Variants in CDK14 observed in about 807,000 individuals in gnomAD.
CDK14 encodes the protein cyclin dependent kinase 14.
In CDK14, 34 loss-of-function variants were observed where a neutral mutation model predicts 60.7. That is an observed-to-expected ratio of 0.56 (90% confidence interval 0.43 to 0.75). CDK14 has a LOEUF of 0.75. Among genes scored for constraint, CDK14 ranks in the 30% least tolerant of loss-of-function variants. The probability of loss-of-function intolerance (pLI) is 0.00; values close to 1 mark genes in which losing one functional copy is unlikely to be tolerated. For missense variants in CDK14, 482 were observed against 564.1 expected (o/e 0.85, Z 1.47); for synonymous variants, 197 against 203.7 (o/e 0.97, Z 0.28).
chr7:91,191,190 T>G (rs879498056), intron 14 of CDK14, among the ~76,000 whole-genome samples: 4 of 152,120 alleles, frequency 2.6e-5, no homozygotes, highest in Non-Finnish European at 4.4e-5. Context: ...CTTTTGGACT[T>G]TCTACAGCTC....
intron 2 of CDK14, among the ~76,000 whole-genome samples, chr7:90,697,272 G>A (rs1285828845): frequency 6.6e-6 from 1 of 152,018 alleles, no homozygotes; most frequent in Non-Finnish European, 1.5e-5. Context: ...CTTACCTGAG[G>A]AAATTCTTAG....
intron 4 of CDK14, among the ~76,000 whole-genome samples, chr7:90,778,784 T>A (rs1247067116): frequency 6.6e-6 from 1 of 152,100 alleles, no homozygotes. Context: ...ATGTTCTTGG[T>A]TTATTCTTTT....
chr7:90,849,935 T>C (rs1259793539), intron 5 of CDK14, among the ~76,000 whole-genome samples: 1 of 152,046 alleles, frequency 6.6e-6, no homozygotes, highest in Non-Finnish European at 1.5e-5. Flanking sequence ...GACATGTGCT[T>C]TTAGAAATAA....
At chr7:90,811,657 A>G (rs1396382399) in intron 5 of CDK14, among the ~76,000 whole-genome samples, 14 of 151,854 alleles carry the variant, frequency 9.2e-5, no homozygotes, top group Non-Finnish European at 2.1e-4. Context: ...CAGCAAAAGA[A>G]ACTATCATCA....
chr7:90,608,733 G>A (rs781744373), intron 2 of CDK14, among the ~76,000 whole-genome samples: 2 of 152,120 alleles, frequency 1.3e-5, no homozygotes, highest in African/African-American at 4.8e-5. Flanking sequence ...GCTTTGGTGA[G>A]TTATTTTATG....
intron 14 of CDK14, among the ~76,000 whole-genome samples, chr7:91,183,923 G>A (rs770576078): frequency 3.9e-5 from 6 of 152,158 alleles, no homozygotes; most frequent in Non-Finnish European, 8.8e-5. Flanking sequence ...GGCCCAGTGT[G>A]TTGGCTCACA....
intron 9 of CDK14, among the ~76,000 whole-genome samples, chr7:90,963,283 A>G (rs1227249397): frequency 2.0e-5 from 3 of 152,048 alleles, no homozygotes; most frequent in Admixed American, 6.6e-5. Context: ...TTCAGTTACC[A>G]TGGTAGAGTG....
intron 14 of CDK14, among the ~76,000 whole-genome samples, chr7:91,202,763 A>G (rs971414079): frequency 1.1e-4 from 17 of 152,330 alleles, no homozygotes; most frequent in African/African-American, 4.1e-4. Flanking sequence ...CAGAGATGGG[A>G]AAGAGTCTGC....
intron 14 of CDK14, among the ~76,000 whole-genome samples, chr7:91,178,942 G>T (rs1385672882): frequency 6.6e-6 from 1 of 152,162 alleles, no homozygotes; most frequent in Admixed American, 6.5e-5. Flanking sequence ...ATTTGACCCA[G>T]CCATCCCATT....
chr7:91,079,642 T>C (rs1264257675), intron 12 of CDK14, among the ~76,000 whole-genome samples, 162 bp downstream of exon 12: 1 of 152,212 alleles, frequency 6.6e-6, no homozygotes, highest in Non-Finnish European at 1.5e-5. Context: ...TGCTAGCTAC[T>C]ATGTTCAGCC....
At chr7:90,684,089 C>T (rs187148509) in intron 2 of CDK14, among the ~76,000 whole-genome samples, 11 of 152,226 alleles carry the variant, frequency 7.2e-5, no homozygotes, top group African/African-American at 2.2e-4. Flanking sequence ...TAACTTGCAA[C>T]GACTTCAATA....
chr7:91,018,848 C>G (rs1429579527), intron 10 of CDK14, among the ~76,000 whole-genome samples: 1 of 152,162 alleles, frequency 6.6e-6, no homozygotes, highest in Non-Finnish European at 1.5e-5. Flanking sequence ...GAACAGTGAG[C>G]CAATTAAACC....
intron 5 of CDK14, among the ~76,000 whole-genome samples, chr7:90,843,979 T>C (rs1208273655): frequency 6.6e-6 from 1 of 152,146 alleles, no homozygotes; most frequent in African/African-American, 2.4e-5. Context: ...TTTCACCCTA[T>C]TTTCATAGAG....
At chr7:91,153,494 T>C (rs1263837223) in intron 14 of CDK14, among the ~76,000 whole-genome samples, 1 of 152,068 alleles carries the variant, frequency 6.6e-6, no homozygotes, top group Non-Finnish European at 1.5e-5. Context: ...TGCCCACCAA[T>C]GATAGACTAA....
intron 2 of CDK14, among the ~76,000 whole-genome samples, chr7:90,711,882 A>ACGTT (rs1408956904): frequency 7.2e-5 from 8 of 110,818 alleles, no homozygotes; most frequent in Non-Finnish European, 3.6e-5. Context: ...ATAGTCTACT[A>ACGTT]TGTTTTTTTT....
chr7:90,753,379 CA>C (rs1471224830), intron 4 of CDK14, among the ~76,000 whole-genome samples: 1 of 152,120 alleles, frequency 6.6e-6, no homozygotes, highest in Non-Finnish European at 1.5e-5. Context: ...GAATTAAGAA[CA>C]AAAACCATTT....
chr7:90,857,865 C>T (rs896222761), intron 5 of CDK14, among the ~76,000 whole-genome samples: 1 of 152,158 alleles, frequency 6.6e-6, no homozygotes, highest in African/African-American at 2.4e-5. Context: ...CAAAGTTAGT[C>T]ATGTCTGTCA....
At chr7:90,658,014 A>T (rs1455963231) in intron 2 of CDK14, among the ~76,000 whole-genome samples, 2 of 151,964 alleles carry the variant, frequency 1.3e-5, no homozygotes, top group Non-Finnish European at 2.9e-5. Flanking sequence ...CTCAATTTAG[A>T]TTTGTCTGAC....
intron 6 of CDK14, 56 bp from the exon 7 acceptor site, chr7:90,899,231 TATTG>T: frequency 7.6e-7 from 1 of 1,319,076 alleles, no homozygotes; most frequent in South Asian, 1.4e-5. Flanking sequence ...AGTAGGAAAA[TATTG>T]ATTTATTATG....
Sources: allele counts gnomAD v4.1 joint callset (sites outside exome capture counted in the v4.1 genomes callset), GRCh38; gene constraint gnomAD v4.1.1; transcripts MANE v1.5; gene names NCBI Gene and HGNC (gene_info 2026-07-23, HGNC 2026-07-21).